Variants in ZSCAN5A observed in about 807,000 individuals in gnomAD.
ZSCAN5A encodes the protein zinc finger and SCAN domain-containing protein 5A.
A neutral mutation model predicts 23.7 loss-of-function variants in ZSCAN5A; 12 were observed. The ratio of observed to expected loss-of-function variants is 0.51; its 90% CI spans 0.32 to 0.82. The LOEUF (loss-of-function observed/expected upper bound fraction) is 0.82. Ranked by LOEUF, ZSCAN5A falls within the 40% of genes least tolerant of loss-of-function variation. ZSCAN5A has a pLI of 0.03. For missense variants in ZSCAN5A, 597 were observed against 617.9 expected (o/e 0.97, Z 0.36); for synonymous variants, 257 against 239.9 (o/e 1.07, Z -0.66).
chr19:56,281,801 C>A, intron 2 of ZSCAN5A: 1 of 596,064 alleles, frequency 1.7e-6, no homozygotes, highest in African/African-American at 2.0e-5. Context: ...CGATCACATT[C>A]AACCTGGGGC....
chr19:56,353,395 G>C (rs1038153303), intron 2 of ZSCAN5A, among the ~76,000 whole-genome samples: 8 of 152,162 alleles, frequency 5.3e-5, no homozygotes, highest in African/African-American at 1.9e-4. Context: ...GTTTTACTGG[G>C]CTGAGCTTAT....
chr19:56,231,541 CT>C (rs1465070813), intron 2 of ZSCAN5A, among the ~76,000 whole-genome samples: 2 of 152,206 alleles, frequency 1.3e-5, no homozygotes, highest in Admixed American at 1.3e-4. Context: ...CTTTCCCCAC[CT>C]CACGTAAAGG....
chr19:56,322,093 AG>A lies in ZSCAN5A; in HGVS notation c.-357-5826del. 9 of 762,732 alleles carry A rather than the reference AG, an allele frequency of 1.2e-5. No homozygotes were observed. The South Asian group carries it at 1.2e-4, about 10-fold the overall frequency. The allele number at this position is 762,732 out of a possible 1,614,324, so 47.2% of individuals were successfully genotyped here. ...TCCTCTTTCTTCTCCTCCCATAACA[AG>A]GATATCAAATTCAGATATATTTTTG... On this transcript the variant is annotated intron_variant, in intron 2 of 6. Transcript: ENST00000587340.
intron 2 of ZSCAN5A, among the ~76,000 whole-genome samples, chr19:56,234,594 A>G (rs2034726318): frequency 6.6e-6 from 1 of 152,236 alleles, no homozygotes; most frequent in South Asian, 2.1e-4. Context: ...CCAGTAGTTA[A>G]AAATCAACTG....
At chr19:56,227,040 G>A (rs1456783404) in intron 2 of ZSCAN5A, among the ~76,000 whole-genome samples, 1 of 152,180 alleles carries the variant, frequency 6.6e-6, no homozygotes, top group African/African-American at 2.4e-5. Flanking sequence ...GGGTTGGGAA[G>A]ATATAGGTCA....
intron 2 of ZSCAN5A, chr19:56,296,097 TCA>T (rs1365046275): frequency 6.6e-6 from 1 of 152,336 alleles, no homozygotes; most frequent in Admixed American, 6.5e-5. Flanking sequence ...TCACGTCAAC[TCA>T]CAGTCTAGTG....
At chr19:56,341,783 T>C (rs1479777141) in intron 2 of ZSCAN5A, among the ~76,000 whole-genome samples, 3 of 148,602 alleles carry the variant, frequency 2.0e-5, no homozygotes, top group Non-Finnish European at 3.0e-5. Flanking sequence ...TTTAGACCTT[T>C]GAGAAAACAC....
At chr19:56,292,960 C>A (rs999958916) in intron 2 of ZSCAN5A, among the ~76,000 whole-genome samples, 1 of 152,188 alleles carries the variant, frequency 6.6e-6, no homozygotes, top group African/African-American at 2.4e-5. Flanking sequence ...TTAATCCAAT[C>A]ATCCACTGAT....
At chr19:56,240,203 C>CA (rs369281063) in intron 2 of ZSCAN5A, among the ~76,000 whole-genome samples, 63 of 150,412 alleles carry the variant, frequency 4.2e-4, no homozygotes, top group African/African-American at 1.4e-3. Context: ...TAAAACCAAA[C>CA]AAAAAAAAAC....
chr19:56,320,615 AAAT>A (rs767420878), intron 2 of ZSCAN5A: 6,232 of 599,662 alleles, frequency 0.01, 2 homozygotes, highest in Middle Eastern at 0.014. Flanking sequence ...TCTGTCTCAA[AAAT>A]AATAATAATA....
intron 2 of ZSCAN5A, among the ~76,000 whole-genome samples, chr19:56,237,214 G>A (rs1043853814): frequency 1.3e-5 from 2 of 152,072 alleles, no homozygotes; most frequent in Non-Finnish European, 2.9e-5. Context: ...TACTTTGTGC[G>A]TTTCATTCAA....
At chr19:56,284,284 C>T in intron 2 of ZSCAN5A, 1 of 492,650 alleles carries the variant, frequency 2.0e-6, no homozygotes. Flanking sequence ...CTAGAATGTA[C>T]AACTGGGTTA....
chr19:56,230,615 A>ATATGTGTG (rs778155664), intron 2 of ZSCAN5A, among the ~76,000 whole-genome samples: 3,807 of 147,650 alleles, frequency 0.026, 139 homozygotes, highest in Admixed American at 0.065. Context: ...TTATTTCTTG[A>ATATGTGTG]TGTGTGTGTG....
intron 2 of ZSCAN5A, among the ~76,000 whole-genome samples, chr19:56,250,504 A>C (rs1254457512): frequency 6.6e-6 from 1 of 152,186 alleles, no homozygotes; most frequent in Non-Finnish European, 1.5e-5. Flanking sequence ...GCTCCAGGTG[A>C]GGCACATGCT....
intron 2 of ZSCAN5A, among the ~76,000 whole-genome samples, chr19:56,272,612 GA>G (rs2037932640): frequency 6.6e-6 from 1 of 152,186 alleles, no homozygotes; most frequent in Non-Finnish European, 1.5e-5. Context: ...CACTCAGCAT[GA>G]AACTGTTCTA....
chr19:56,277,569 T>C (rs1321514691), intron 2 of ZSCAN5A, among the ~76,000 whole-genome samples: 1 of 151,642 alleles, frequency 6.6e-6, no homozygotes, highest in African/African-American at 2.4e-5. Context: ...GACTAAGGGG[T>C]TCAGGGTTTA....
chr19:56,260,049 A>G (rs889164481), intron 2 of ZSCAN5A, among the ~76,000 whole-genome samples: 6 of 152,204 alleles, frequency 3.9e-5, no homozygotes, highest in African/African-American at 1.4e-4. Context: ...TAAAAATAAC[A>G]ATGAAACAAT....
chr19:56,297,857 C>G (rs763344706), intron 2 of ZSCAN5A: 1 of 152,094 alleles, frequency 6.6e-6, no homozygotes, highest in Non-Finnish European at 1.5e-5. Flanking sequence ...GACTGAGGGC[C>G]GGAAAACCAG....
intron 2 of ZSCAN5A, among the ~76,000 whole-genome samples, chr19:56,333,673 T>C (rs907162892): frequency 5.3e-5 from 8 of 152,090 alleles, no homozygotes; most frequent in Admixed American, 2.0e-4. Context: ...CCTAGTGACA[T>C]TGGCCACAGC....
Sources: allele counts gnomAD v4.1 joint callset (sites outside exome capture counted in the v4.1 genomes callset), GRCh38; gene constraint gnomAD v4.1.1; transcripts MANE v1.5; gene names NCBI Gene and HGNC (gene_info 2026-07-23, HGNC 2026-07-21).